The following NDUFAF2 variants were observed in gnomAD, a reference collection of about 807,000 sequenced individuals.
The protein encoded by NDUFAF2 is NADH:ubiquinone oxidoreductase complex assembly factor 2.
Under a neutral mutation model 22.8 loss-of-function variants are expected in NDUFAF2, and 13 were observed. That is an observed-to-expected ratio of 0.57 (90% CI 0.37 to 0.91). The LOEUF (loss-of-function observed/expected upper bound fraction) is 0.91, where lower values mean the gene tolerates loss of function less well. Ranked by LOEUF, NDUFAF2 falls within the 40% of genes least tolerant of loss-of-function variation. The pLI, the probability that NDUFAF2 is intolerant of heterozygous loss-of-function variation, is 0.01. For synonymous variants in NDUFAF2, 53 were observed against 64.2 expected, an observed-to-expected ratio of 0.83 and a Z score of 0.84; for missense variants, 162 against 195.2, an observed-to-expected ratio of 0.83 and a Z score of 1.01.
intron 2 of NDUFAF2, among the ~76,000 whole-genome samples, chr5:61,080,360 A>C (rs982744529): frequency 6.6e-6 from 1 of 152,242 alleles, no homozygotes; most frequent in Non-Finnish European, 1.5e-5. Flanking sequence ...AAAAACTGCC[A>C]AGATATTTTT....
intron 1 of NDUFAF2, among the ~76,000 whole-genome samples, chr5:61,066,362 A>C (rs1752228267): frequency 6.6e-6 from 1 of 152,090 alleles, no homozygotes; most frequent in African/African-American, 2.4e-5. Flanking sequence ...ACAATCCTAA[A>C]ATTTGTATAG....
chr5:61,071,476 G>A (rs192322739), intron 1 of NDUFAF2, among the ~76,000 whole-genome samples: 35 of 152,196 alleles, frequency 2.3e-4, no homozygotes, highest in Admixed American at 2.0e-3. Flanking sequence ...CTTTTATGTC[G>A]TCCTTTCTCC....
At chr5:61,036,184 T>A (rs552605151) in intron 1 of NDUFAF2, among the ~76,000 whole-genome samples, 35 of 152,342 alleles carry the variant, frequency 2.3e-4, no homozygotes, top group Middle Eastern at 3.4e-3. Context: ...CCCTAGCCAC[T>A]TGACCCCCAC....
chr5:61,066,375 C>A (rs958230514), intron 1 of NDUFAF2, among the ~76,000 whole-genome samples: 17 of 151,774 alleles, frequency 1.1e-4, no homozygotes, highest in African/African-American at 3.9e-4. Flanking sequence ...TTGTATAGAA[C>A]CATAAAAGGC....
intron 3 of NDUFAF2, among the ~76,000 whole-genome samples, chr5:61,125,635 T>C (rs556748768): frequency 4.1e-4 from 62 of 152,226 alleles, no homozygotes; most frequent in African/African-American, 1.5e-3. Context: ...TAAAACTGTG[T>C]ATTGACAAGG....
intron 1 of NDUFAF2, among the ~76,000 whole-genome samples, chr5:60,965,269 T>C (rs1422460660): frequency 1.3e-5 from 2 of 152,194 alleles, no homozygotes; most frequent in African/African-American, 4.8e-5. Flanking sequence ...ACAAAAATTG[T>C]ATATATTTAC....
intron 1 of NDUFAF2, among the ~76,000 whole-genome samples, chr5:61,021,226 A>G (rs1163215630): frequency 1.3e-5 from 2 of 152,084 alleles, no homozygotes; most frequent in African/African-American, 4.8e-5. Flanking sequence ...GATAAAATCA[A>G]GTTGTTGGCA....
At chr5:60,954,569 A>T (rs918616456) in intron 1 of NDUFAF2, among the ~76,000 whole-genome samples, 2 of 152,146 alleles carry the variant, frequency 1.3e-5, no homozygotes, top group African/African-American at 4.8e-5. Context: ...TATACTATGT[A>T]CTAGATTTTA....
At chr5:61,015,096 T>C (rs1228300833) in intron 1 of NDUFAF2, among the ~76,000 whole-genome samples, 1 of 152,182 alleles carries the variant, frequency 6.6e-6, no homozygotes, top group Non-Finnish European at 1.5e-5. Context: ...AGGCTGACTT[T>C]TGGGACATTG....
At chr5:60,988,709 G>T (rs971588093) in intron 1 of NDUFAF2, among the ~76,000 whole-genome samples, 4 of 152,114 alleles carry the variant, frequency 2.6e-5, no homozygotes, top group African/African-American at 7.2e-5. Context: ...AATGATGCTG[G>T]GATAACTGGC....
intron 3 of NDUFAF2, among the ~76,000 whole-genome samples, chr5:61,127,796 C>A (rs1753056264): frequency 6.6e-6 from 1 of 152,048 alleles, no homozygotes; most frequent in African/African-American, 2.4e-5. Context: ...CTGGCCAGGG[C>A]AATCAGACAG....
intron 1 of NDUFAF2, among the ~76,000 whole-genome samples, chr5:61,019,879 T>G (rs188423974): frequency 6.6e-6 from 1 of 152,240 alleles, no homozygotes; most frequent in African/African-American, 2.4e-5. Flanking sequence ...TGGAACAGAT[T>G]GTGTAAAACA....
chr5:61,045,598 TA>T (rs1751944283), intron 1 of NDUFAF2, among the ~76,000 whole-genome samples: 1 of 152,084 alleles, frequency 6.6e-6, no homozygotes, highest in African/African-American at 2.4e-5. Context: ...CTTGGCCTAC[TA>T]AAGTGGTGAG....
chr5:61,131,619 A>C (rs186663576), intron 3 of NDUFAF2, among the ~76,000 whole-genome samples: 1 of 152,180 alleles, frequency 6.6e-6, no homozygotes. Context: ...ATAAATTACA[A>C]TGGAATACTA....
intron 1 of NDUFAF2, among the ~76,000 whole-genome samples, chr5:60,972,025 T>C (rs2950235): frequency 0.64 from 94,503 of 148,120 alleles, 30,400 homozygotes; most frequent in East Asian, 0.94. Context: ...TCACTGCAAC[T>C]GCCACCTCCC....
intron 3 of NDUFAF2, among the ~76,000 whole-genome samples, chr5:61,106,818 A>C (rs566889355): frequency 1.3e-5 from 2 of 151,260 alleles, no homozygotes; most frequent in Non-Finnish European, 2.9e-5. Flanking sequence ...TTCACTTAAA[A>C]TAATGACCTC....
At chr5:60,964,894 C>T (rs1750734759) in intron 1 of NDUFAF2, among the ~76,000 whole-genome samples, 1 of 152,166 alleles carries the variant, frequency 6.6e-6, no homozygotes, top group African/African-American at 2.4e-5. Flanking sequence ...CCTGTTCCTG[C>T]CCTTTTTTGA....
intron 3 of NDUFAF2, among the ~76,000 whole-genome samples, chr5:61,119,673 G>A (rs1752953417): frequency 6.6e-6 from 1 of 152,144 alleles, no homozygotes; most frequent in Non-Finnish European, 1.5e-5. Flanking sequence ...GAAGGTCCCT[G>A]TTGGGCAGTT....
chr5:61,122,225 A>G (rs1442667159), intron 3 of NDUFAF2, among the ~76,000 whole-genome samples: 2 of 152,128 alleles, frequency 1.3e-5, no homozygotes, highest in South Asian at 4.1e-4. Flanking sequence ...CTCCATAATC[A>G]TGAGAGCCAA....
Sources: allele counts gnomAD v4.1 joint callset (sites outside exome capture counted in the v4.1 genomes callset), GRCh38; gene constraint gnomAD v4.1.1; transcripts MANE v1.5; gene names NCBI Gene and HGNC (gene_info 2026-07-23, HGNC 2026-07-21).